Variants in BMPR1A observed in about 807,000 individuals in gnomAD.
The protein encoded by BMPR1A is bone morphogenetic protein receptor type-1A.
In BMPR1A, 7 loss-of-function variants were observed where a neutral mutation model predicts 66.0. The observed-to-expected ratio is 0.11, with a 90% CI of 0.06 to 0.20. The LOEUF (loss-of-function observed/expected upper bound fraction) is 0.20. Among genes scored for constraint, BMPR1A ranks in the 10% least tolerant of loss-of-function variants. BMPR1A has a pLI of 1.00. For synonymous variants in BMPR1A, 200 were observed against 229.7 expected (o/e 0.87, Z 1.17); for missense variants, 408 against 669.1 (o/e 0.61, Z 4.31).
chr10:86,850,486 C>T (rs1337613915), intron 2 of BMPR1A, among the ~76,000 whole-genome samples: 1 of 152,132 alleles, frequency 6.6e-6, no homozygotes, highest in African/African-American at 2.4e-5. Flanking sequence ...TAATTCAGCA[C>T]GGTCTGGGAT....
chr10:86,921,106 G>A (rs1843656906), intron 10 of BMPR1A, among the ~76,000 whole-genome samples: 1 of 151,954 alleles, frequency 6.6e-6, no homozygotes, highest in Non-Finnish European at 1.5e-5. Context: ...CGCCCGCCTT[G>A]GCCTCCCAAA....
chr10:86,784,107 T>C (rs535943281), intron 1 of BMPR1A, among the ~76,000 whole-genome samples: 7 of 152,316 alleles, frequency 4.6e-5, no homozygotes, highest in Admixed American at 3.9e-4. Flanking sequence ...GATGCCTTTT[T>C]TTCTTGCCTC....
rs955959401 is a variant in BMPR1A, at chr10:86,809,415, A to C, written c.-267-29450A>C. On this transcript the variant is annotated intron_variant, in intron 1 of 12. Coordinates refer to ENST00000372037, the MANE Select transcript of BMPR1A (RefSeq NM_004329.3). ...AGCGATTCTCCCACCTCAGCTTCTC[A>C]AGTAGCCGGGACTACAGGTGCGTGC... Among the ~76,000 whole-genome samples the C allele has an allele frequency of 6.6e-5, 10 of 151,524 alleles. 1 individual carries two copies. Among genetic ancestry groups the C allele is most frequent in the Admixed American group, 5.9e-4 (9 of 15,198 alleles).
chr10:86,874,709 CTTTTTTT>C (rs200991488), intron 2 of BMPR1A, among the ~76,000 whole-genome samples: 3 of 92,436 alleles, frequency 3.2e-5, no homozygotes, highest in East Asian at 2.5e-4. Flanking sequence ...ACCCGACCTT[CTTTTTTT>C]TTTTTTTTTT....
At chr10:86,808,015 C>T (rs1051584043) in intron 1 of BMPR1A, among the ~76,000 whole-genome samples, 1 of 152,206 alleles carries the variant, frequency 6.6e-6, no homozygotes, top group Non-Finnish European at 1.5e-5. Context: ...AATCCACCCA[C>T]CTCAGCAGAA....
intron 1 of BMPR1A, 30 bp from the exon 2 acceptor site, chr10:86,838,835 C>CT (rs961118801): frequency 1.3e-5 from 2 of 151,990 alleles, no homozygotes; most frequent in African/African-American, 4.8e-5. Flanking sequence ...TTCCCTAAGT[C>CT]TTAAATAAGT....
chr10:86,786,450 A>T (rs1841519400), intron 1 of BMPR1A, among the ~76,000 whole-genome samples: 2 of 151,870 alleles, frequency 1.3e-5, no homozygotes, highest in African/African-American at 4.8e-5. Flanking sequence ...TACCTTTCTC[A>T]TCCTTGAATT....
chr10:86,803,042 T>TTA (rs397714900), intron 1 of BMPR1A, among the ~76,000 whole-genome samples: 4 of 151,580 alleles, frequency 2.6e-5, no homozygotes, highest in African/African-American at 9.7e-5. Flanking sequence ...AGCCTTTTTT[T>TTA]ACTGCATATA....
In BMPR1A at chr10:86,875,851, T is replaced by C; in HGVS notation, c.-152-16T>C. ...TCAGTTGTATTCCTTACCTTTTAAA[T>C]ATTTTTGTCTTTCAGGAGTCGTAAG... is the stretch of plus-strand genomic sequence containing the variant. On this transcript the variant is annotated splice_polypyrimidine_tract_variant and intron_variant, in intron 2 of 12. Coordinates refer to ENST00000372037, the MANE Select transcript of BMPR1A (RefSeq NM_004329.3). The C allele has an allele frequency of 4.5e-6, 3 of 662,124 alleles. No individual in the cohort carries two copies. Among genetic ancestry groups the C allele is most frequent in the Non-Finnish European group, 5.3e-6 (2 of 375,562 alleles). The allele number at this position is 662,124 out of a possible 1,614,324, so 41.0% of individuals were successfully genotyped here. A position where few individuals can be genotyped will look rare whatever the true frequency, so the allele number is the denominator to read the frequency against.
At chr10:86,797,608 C>T (rs967565775) in intron 1 of BMPR1A, among the ~76,000 whole-genome samples, 8 of 152,048 alleles carry the variant, frequency 5.3e-5, no homozygotes, top group African/African-American at 1.2e-4. Flanking sequence ...TCAAGTGATC[C>T]GCCCACCTCA....
At chr10:86,782,048 A>G (rs973696429) in intron 1 of BMPR1A, among the ~76,000 whole-genome samples, 1 of 24 alleles carries the variant, frequency 0.042, no homozygotes, top group African/African-American at 0.1. Flanking sequence ...TTTTTGGTAG[A>G]GACGGGGTTT....
At chr10:86,901,099 A>G (rs1288311534) in intron 7 of BMPR1A, among the ~76,000 whole-genome samples, 2 of 152,178 alleles carry the variant, frequency 1.3e-5, no homozygotes, top group Admixed American at 6.5e-5. Flanking sequence ...TGGACACTCA[A>G]CTCTGAGAGA....
At chr10:86,911,625 C>T (rs1843486966) in intron 7 of BMPR1A, among the ~76,000 whole-genome samples, 1 of 152,068 alleles carries the variant, frequency 6.6e-6, no homozygotes, top group African/African-American at 2.4e-5. Context: ...TGGCACGTAC[C>T]TGTAGTCCCA....
chr10:86,866,415 T>TTTTTTTTTTCTTTTTTTTTTTTTTC (rs1564707639), intron 2 of BMPR1A, among the ~76,000 whole-genome samples: 2 of 132,262 alleles, frequency 1.5e-5, no homozygotes, highest in African/African-American at 3.0e-5. Context: ...TTTTTTTTTT[T>TTTTTTTTTTCTTTTTTTTTTTTTTC]TTTTTTTTTT....
chr10:86,822,781 C>T (rs1842139320), intron 1 of BMPR1A, among the ~76,000 whole-genome samples: 1 of 151,724 alleles, frequency 6.6e-6, no homozygotes, highest in Non-Finnish European at 1.5e-5. Flanking sequence ...GATTACAGGC[C>T]ACCATGCTTG....
chr10:86,896,925 C>T (rs753519849), intron 5 of BMPR1A, among the ~76,000 whole-genome samples: 1 of 152,214 alleles, frequency 6.6e-6, no homozygotes, highest in Non-Finnish European at 1.5e-5. Context: ...ACAGCACTCA[C>T]CCAAGCACAG....
chr10:86,830,683 A>G (rs552337324), intron 1 of BMPR1A, among the ~76,000 whole-genome samples: 2 of 152,110 alleles, frequency 1.3e-5, no homozygotes, highest in East Asian at 1.9e-4. Flanking sequence ...ATTTTTTTCA[A>G]TTGTTGAGCT....
downstream of BMPR1A, chr10:86,931,345 C>T (rs550696179): frequency 7.0e-6 from 1 of 142,348 alleles, no homozygotes; most frequent in South Asian, 2.2e-4. Flanking sequence ...ATTGGGCCCC[C>T]TTGTTTTTCT....
At chr10:86,784,363 G>GTT (rs1841484307) in intron 1 of BMPR1A, among the ~76,000 whole-genome samples, 2 of 152,134 alleles carry the variant, frequency 1.3e-5, no homozygotes, top group African/African-American at 4.8e-5. Context: ...ATTGTTACAT[G>GTT]ATTTTTGTCC....
Sources: gnomAD v4.1 joint callset for allele counts (sites outside exome capture counted in the v4.1 genomes callset) on GRCh38, gnomAD v4.1.1 for gene constraint, MANE v1.5 for transcripts, NCBI Gene and HGNC (gene_info 2026-07-23, HGNC 2026-07-21) for gene names.